MACC1: variants seen among roughly 807,000 people sequenced by gnomAD.
MACC1 encodes metastasis-associated in colon cancer protein 1.
MACC1 carries 79 observed loss-of-function variants against 70.7 expected under a neutral mutation model. The observed-to-expected ratio is 1.12, with a 90% confidence interval of 0.93 to 1.35. The LOEUF (loss-of-function observed/expected upper bound fraction) is 1.35. Among genes scored for constraint, MACC1 ranks in the 40% most tolerant of loss-of-function variants. The probability of loss-of-function intolerance (pLI) is 0.00; values close to 1 mark genes in which losing one functional copy is unlikely to be tolerated. For synonymous variants in MACC1, 361 were observed against 347.2 expected, an observed-to-expected ratio of 1.04 and a Z score of -0.44; for missense variants, 1,106 against 978.1, an observed-to-expected ratio of 1.13 and a Z score of -1.74.
intron 1 of MACC1, among the ~76,000 whole-genome samples, chr7:20,172,564 T>G (rs956506051): frequency 5.9e-5 from 9 of 152,220 alleles, no homozygotes; most frequent in African/African-American, 2.2e-4. Flanking sequence ...TTAAATTAAT[T>G]ATGTTTTGTT....
chr7:20,140,962 G>C lies in MACC1; in HGVS notation c.2543C>G (p.Thr848Ser). 6.2e-7 allele frequency: 1 copy of C among 1,612,416 alleles called. No homozygotes were observed. Among genetic ancestry groups the C allele is most frequent in the Non-Finnish European group, 8.5e-7 (1 of 1,178,960 alleles). ...LEVLRVTAFS[T>S]SEEV ...GCTTTGTTTCTATACTTCCTCAGAA[G>C]TGGAGAATGCAGTTACTCTCAAAAC... Residue 848 changes from threonine to serine, a missense_variant, in exon 7 of 7, where the codon ACT (threonine) becomes AGT (serine). Physicochemically the swap from Thr to Ser is moderately conservative, Grantham distance 58. Coordinates refer to ENST00000400331, the MANE Select transcript of MACC1 (RefSeq NM_182762.4).
intron 1 of MACC1, among the ~76,000 whole-genome samples, chr7:20,184,722 A>G (rs1782559303): frequency 6.6e-6 from 1 of 152,060 alleles, no homozygotes; most frequent in South Asian, 2.1e-4. Flanking sequence ...ATTAAACAAC[A>G]CTCTTTACTC....
At chr7:20,164,838 T>C (rs1449174739) in intron 2 of MACC1, among the ~76,000 whole-genome samples, 4 of 152,024 alleles carry the variant, frequency 2.6e-5, no homozygotes, top group Admixed American at 6.6e-5. Flanking sequence ...GGAAAACTAT[T>C]TTCGAAAAGA....
At chr7:20,186,436 G>A (rs1583403468) in intron 1 of MACC1, among the ~76,000 whole-genome samples, 1 of 151,852 alleles carries the variant, frequency 6.6e-6, no homozygotes, top group Admixed American at 6.6e-5. Flanking sequence ...CTTTGTGAAT[G>A]TATGGCTTTT....
At chr7:20,150,377 C>G (rs183229662) in intron 6 of MACC1, 1 of 152,214 alleles carries the variant, frequency 6.6e-6, no homozygotes, top group Admixed American at 6.5e-5. Context: ...AATTCATTCA[C>G]TTATAGAAAA....
At position 20,134,872 on chromosome 7, in the gene MACC1, C is replaced by G. The variant is rs1781699545; in HGVS notation, c.*6074G>C. Reference sequence around the variant, plus strand: ...AAAACAATTAACAAGGAAATGATGGCAGAGGATAAAACGTGATACGTCAAT... The same window carrying G: ...AAAACAATTAACAAGGAAATGATGGGAGAGGATAAAACGTGATACGTCAAT... On this transcript the variant is annotated 3_prime_UTR_variant, in exon 7 of 7. Transcript: ENST00000400331. 1 of 152,144 alleles carries G rather than the reference C, an allele frequency of 6.6e-6. No individual in the cohort carries two copies. The allele number at this position is 152,144 out of a possible 1,614,324, so 9.4% of individuals were successfully genotyped here.
rs751597114 is a variant in MACC1 at position 20,159,343 on chromosome 7, A to T, written c.1018T>A (p.Leu340Met). ...ACCACTAGATACATTACCTGACTCA[A>T]GTCGATTAGCTTGACTTGGATGGTG... ...KDTIQVKLID[L>M]SQVMYLVVAA... is the part of the protein sequence containing the mutation. The change falls in exon 5 of 7, where the codon TTG (leucine) becomes ATG (methionine). Residue 340 changes from leucine to methionine, a missense_variant. Leu to Met is a conservative substitution (Grantham distance 15, BLOSUM62 2). Transcript: ENST00000400331. 1 of 1,614,114 alleles carries T rather than the reference A, an allele frequency of 6.2e-7. No individual in the cohort carries two copies. The highest frequency in any genetic ancestry group is 8.5e-7 in the Non-Finnish European group (1 of 1,180,018).
intron 1 of MACC1, among the ~76,000 whole-genome samples, chr7:20,207,815 T>C (rs1275885747): frequency 2.6e-5 from 4 of 152,200 alleles, no homozygotes; most frequent in Non-Finnish European, 5.9e-5. Context: ...ATAATATCTA[T>C]CATTGGCATT....
chr7:20,143,977 A>G (rs1248959567), intron 6 of MACC1, among the ~76,000 whole-genome samples: 4 of 152,216 alleles, frequency 2.6e-5, no homozygotes, highest in Non-Finnish European at 5.9e-5. Flanking sequence ...AAATATGAGC[A>G]TACTCTGTAT....
chr7:20,173,824 C>A (rs763388865), intron 1 of MACC1, among the ~76,000 whole-genome samples: 3 of 152,088 alleles, frequency 2.0e-5, no homozygotes, highest in Non-Finnish European at 2.9e-5. Context: ...GAGATTGATG[C>A]TCTTGGGTAT....
chr7:20,167,945 C>G (rs773150261), intron 2 of MACC1, among the ~76,000 whole-genome samples: 17 of 152,148 alleles, frequency 1.1e-4, no homozygotes, highest in Non-Finnish European at 2.1e-4. Flanking sequence ...GGTCCTTGTT[C>G]ACAGAGTTGG....
At chr7:20,185,286 T>C (rs1455094585) in intron 1 of MACC1, among the ~76,000 whole-genome samples, 1 of 152,180 alleles carries the variant, frequency 6.6e-6, no homozygotes, top group Non-Finnish European at 1.5e-5. Context: ...ATACTTGAGA[T>C]ATTTATTCTT....
intron 1 of MACC1, among the ~76,000 whole-genome samples, chr7:20,199,358 T>C (rs1003954296): frequency 6.6e-6 from 1 of 152,372 alleles, no homozygotes; most frequent in East Asian, 1.9e-4. Flanking sequence ...AGCATTGTCC[T>C]AGCCAAAGCT....
chr7:20,205,900 C>G (rs1782904607), intron 1 of MACC1, among the ~76,000 whole-genome samples: 1 of 152,108 alleles, frequency 6.6e-6, no homozygotes, highest in Non-Finnish European at 1.5e-5. Flanking sequence ...TGACCCTACC[C>G]TCAGGCACCT....
chr7:20,186,092 G>A (rs928920070), intron 1 of MACC1, among the ~76,000 whole-genome samples: 2 of 152,232 alleles, frequency 1.3e-5, no homozygotes, highest in African/African-American at 4.8e-5. Context: ...CGAATGGACA[G>A]AGCTACTATT....
At chr7:20,209,166 C>A (rs964193656) in intron 1 of MACC1, among the ~76,000 whole-genome samples, 1 of 152,202 alleles carries the variant, frequency 6.6e-6, no homozygotes, top group Non-Finnish European at 1.5e-5. Context: ...GGGATTGGAG[C>A]CCCCACACAT....
At chr7:20,208,475 C>A (rs1018546922) in intron 1 of MACC1, among the ~76,000 whole-genome samples, 1 of 152,124 alleles carries the variant, frequency 6.6e-6, no homozygotes, top group Non-Finnish European at 1.5e-5. Flanking sequence ...AAAGGTCACT[C>A]CTGGTATGTT....
Position 20,137,301 on chromosome 7 carries a change from A to G in MACC1, c.*3645T>C, listed in dbSNP as rs1313496950. On this transcript the variant is annotated 3_prime_UTR_variant, in exon 7 of 7. Coordinates refer to ENST00000400331, the MANE Select transcript of MACC1 (RefSeq NM_182762.4). ...ATGCCATCCATTGATTTAGCATTCTATTCCTTCCAGAAACCTAGTCATCCC... is the reference window on the plus strand; with the variant it reads ...ATGCCATCCATTGATTTAGCATTCTGTTCCTTCCAGAAACCTAGTCATCCC... The G allele has an allele frequency of 6.6e-6, 1 of 152,178 alleles. No individual in the cohort carries two copies. Among genetic ancestry groups the G allele is most frequent in the Non-Finnish European group, 1.5e-5 (1 of 68,024 alleles). 9.4% of individuals were successfully genotyped at this position (152,178 alleles called of 1,614,324 possible).
chr7:20,210,567 G>A (rs895253652), intron 1 of MACC1, among the ~76,000 whole-genome samples: 1 of 152,140 alleles, frequency 6.6e-6, no homozygotes, highest in Admixed American at 6.6e-5. Context: ...ACTGCCTTCA[G>A]GAAATAATGT....
Sources: gnomAD v4.1 joint callset for allele counts (sites outside exome capture counted in the v4.1 genomes callset) on GRCh38, gnomAD v4.1.1 for gene constraint, MANE v1.5 for transcripts, NCBI Gene and HGNC (gene_info 2026-07-23, HGNC 2026-07-21) for gene names.